The following TENM2 variants were observed in gnomAD, a reference collection of about 807,000 sequenced individuals.
TENM2 encodes teneurin transmembrane protein 2, also known as teneurin-2.
TENM2 carries 52 observed loss-of-function variants against 245.2 expected under a neutral mutation model. The ratio of observed to expected loss-of-function variants is 0.21; its 90% CI spans 0.17 to 0.27. TENM2 has a LOEUF of 0.27. Among genes scored for constraint, TENM2 ranks in the 10% least tolerant of loss-of-function variants. The pLI is 1.00. For synonymous variants in TENM2, 1,363 were observed against 1,438.9 expected (o/e 0.95, Z 1.19); for missense variants, 3,046 against 3,666.8 (o/e 0.83, Z 4.37).
chr5:167,695,804 G>T (rs1175805332), intron 2 of TENM2, among the ~76,000 whole-genome samples: 2 of 151,702 alleles, frequency 1.3e-5, no homozygotes, highest in Non-Finnish European at 2.9e-5. Context: ...GGAGGCCGAG[G>T]TGGGCGGATC....
chr5:168,195,891 G>A (rs1403152484), intron 15 of TENM2, among the ~76,000 whole-genome samples: 5 of 152,046 alleles, frequency 3.3e-5, no homozygotes, highest in Admixed American at 1.3e-4. Flanking sequence ...TTGGAAACGT[G>A]TACCCGTTCA....
chr5:167,347,383 A>G (rs768580723), intron 1 of TENM2, among the ~76,000 whole-genome samples: 5 of 152,200 alleles, frequency 3.3e-5, no homozygotes, highest in African/African-American at 1.2e-4. Context: ...GTGCAGCAAC[A>G]AAGGAGAAGC....
intron 1 of TENM2, among the ~76,000 whole-genome samples, chr5:167,345,618 G>T (rs1262571692): frequency 6.6e-6 from 1 of 152,136 alleles, no homozygotes; most frequent in Non-Finnish European, 1.5e-5. Context: ...TAAAAATAAG[G>T]TTTTTTACTG....
the TENM2 span, among the ~76,000 whole-genome samples, chr5:167,081,870 G>T: frequency 6.6e-6 from 1 of 152,138 alleles, no homozygotes; most frequent in Non-Finnish European, 1.5e-5. Context: ...CTCATCCCAG[G>T]CACAGAACGT....
intron 2 of TENM2, among the ~76,000 whole-genome samples, chr5:167,449,182 G>A (rs905838035): frequency 2.3e-4 from 35 of 152,138 alleles, no homozygotes; most frequent in Admixed American, 2.2e-3. Flanking sequence ...TGCTTTTCCT[G>A]CGGTACTTAG....
chr5:167,142,832 G>A, the TENM2 span, among the ~76,000 whole-genome samples: 1 of 152,180 alleles, frequency 6.6e-6, no homozygotes, highest in African/African-American at 2.4e-5. Context: ...TTACAGGCAT[G>A]AGCCATTTCT....
chr5:167,618,249 G>A (rs1777921897), intron 2 of TENM2, among the ~76,000 whole-genome samples: 1 of 151,974 alleles, frequency 6.6e-6, no homozygotes, highest in South Asian at 2.1e-4. Context: ...ACTTGTCCAG[G>A]GTCACTCATA....
intron 2 of TENM2, among the ~76,000 whole-genome samples, chr5:167,639,333 C>T (rs1397788131): frequency 6.6e-6 from 1 of 152,118 alleles, no homozygotes; most frequent in Non-Finnish European, 1.5e-5. Flanking sequence ...TGTGTGTATG[C>T]TCATTTCTTA....
At chr5:168,002,842 A>G (rs1347210469) in intron 5 of TENM2, among the ~76,000 whole-genome samples, 4 of 152,240 alleles carry the variant, frequency 2.6e-5, no homozygotes, top group African/African-American at 9.6e-5. Flanking sequence ...TCACTTTGGC[A>G]TATGATTGGC....
At chr5:167,599,734 A>G (rs1405267534) in intron 2 of TENM2, among the ~76,000 whole-genome samples, 2 of 152,158 alleles carry the variant, frequency 1.3e-5, no homozygotes, top group Non-Finnish European at 1.5e-5. Flanking sequence ...TGTTTAGCAC[A>G]GAGATTTGGT....
At chr5:167,454,991 A>T (rs1458578543) in intron 2 of TENM2, among the ~76,000 whole-genome samples, 2 of 152,222 alleles carry the variant, frequency 1.3e-5, no homozygotes, top group African/African-American at 4.8e-5. Flanking sequence ...GAAAGAATGC[A>T]TATCCTCCCC....
chr5:167,549,323 C>T (rs1772777207), intron 2 of TENM2, among the ~76,000 whole-genome samples: 1 of 152,036 alleles, frequency 6.6e-6, no homozygotes, highest in African/African-American at 2.4e-5. Context: ...ATGAAAATAT[C>T]TGTGTCCTAA....
the TENM2 span, among the ~76,000 whole-genome samples, chr5:167,086,320 G>A: frequency 2.6e-5 from 4 of 152,238 alleles, no homozygotes; most frequent in East Asian, 7.7e-4. Context: ...AAATTGGAAA[G>A]AACAATTTTT....
intron 25 of TENM2, among the ~76,000 whole-genome samples, chr5:168,234,383 C>T (rs923733055): frequency 6.6e-6 from 1 of 152,074 alleles, no homozygotes; most frequent in Non-Finnish European, 1.5e-5. Flanking sequence ...GTCACATGAC[C>T]ATACCTGTAT....
chr5:167,332,727 G>A (rs575634056), intron 1 of TENM2, among the ~76,000 whole-genome samples: 4 of 152,190 alleles, frequency 2.6e-5, no homozygotes, highest in African/African-American at 4.8e-5. Flanking sequence ...CCTAATTAGC[G>A]CAACAATGAA....
At chr5:167,714,367 T>C (rs1037670249) in intron 2 of TENM2, among the ~76,000 whole-genome samples, 8 of 152,234 alleles carry the variant, frequency 5.3e-5, no homozygotes, top group Non-Finnish European at 1.0e-4. Context: ...CTATAGATCT[T>C]ATCTCTGCTC....
At chr5:168,190,573 T>C in intron 14 of TENM2, 26 bp downstream of exon 16, 2 of 1,588,164 alleles carry the variant, frequency 1.3e-6, no homozygotes, top group Non-Finnish European at 1.7e-6. Context: ...CCCTGCAAAC[T>C]CCTGAAGTCT....
the TENM2 span, among the ~76,000 whole-genome samples, chr5:167,036,700 T>C: frequency 6.6e-6 from 1 of 152,208 alleles, no homozygotes; most frequent in African/African-American, 2.4e-5. Flanking sequence ...AAGAACCAAA[T>C]GACGTTGGTG....
chr5:167,520,602 G>T (rs1047344638), intron 2 of TENM2, among the ~76,000 whole-genome samples: 26 of 152,166 alleles, frequency 1.7e-4, no homozygotes, highest in African/African-American at 6.0e-4. Flanking sequence ...AAAATAGATT[G>T]TTCCTGATAC....
Sources: gnomAD v4.1 joint callset for allele counts (sites outside exome capture counted in the v4.1 genomes callset) on GRCh38, gnomAD v4.1.1 for gene constraint, MANE v1.5 for transcripts, NCBI Gene and HGNC (gene_info 2026-07-23, HGNC 2026-07-21) for gene names.